Variants in DPP9 observed in about 807,000 individuals in gnomAD.
DPP9 encodes dipeptidyl peptidase IV-related protein-2.
A neutral mutation model predicts 110.7 loss-of-function variants in DPP9; 50 were observed. The ratio of observed to expected loss-of-function variants is 0.45; its 90% CI spans 0.36 to 0.57. The LOEUF is 0.57. Among genes scored for constraint, DPP9 ranks in the 20% least tolerant of loss-of-function variants. The pLI is 0.00. For synonymous variants in DPP9, 561 were observed against 514.4 expected (o/e 1.09, Z -1.23); for missense variants, 1,022 against 1,217.9 (o/e 0.84, Z 2.39).
intron 13 of DPP9, among the ~76,000 whole-genome samples, 166 bp from the exon 14 acceptor site, chr19:4,691,123 A>G (rs539155466): frequency 6.6e-6 from 1 of 152,252 alleles, no homozygotes; most frequent in South Asian, 2.1e-4. Context: ...GACCTGCCAC[A>G]TGGGCAAGGA....
rs907170004 is a variant in DPP9, at chr19:4,687,419, TAAAG to T, written c.1885+1334_1885+1337del. ...CACTCTGTATATACAGTTTCGTTGA[TAAAG>T]AAACACTTCATGGTGATACGCTGAT... On this transcript the variant is annotated intron_variant, in intron 16 of 21. Transcript: ENST00000262960. The surrounding 1 kb of genome is among the most constrained non-coding windows in gnomAD (Gnocchi z 4.7). 6.6e-6 allele frequency among the ~76,000 whole-genome samples: 1 copy of T among 152,116 alleles called. No homozygotes were observed.
At chr19:4,721,559 T>C (rs889935748) in intron 2 of DPP9, among the ~76,000 whole-genome samples, 4 of 152,272 alleles carry the variant, frequency 2.6e-5, no homozygotes, top group African/African-American at 7.2e-5. Flanking sequence ...GGCGGGCAGA[T>C]CACCTGAGGT....
rs1052106382 is a variant in DPP9, at chr19:4,689,386, G to C, written c.1749+184C>G. On this transcript the variant is annotated intron_variant, in intron 15 of 21. Coordinates refer to ENST00000262960, the MANE Select transcript of DPP9 (RefSeq NM_139159.5). The surrounding 1 kb of genome is among the most constrained non-coding windows in gnomAD (Gnocchi z 7.0). ...ACTTACTACCCTGGGATTGGTGGTG[G>C]GCAATTCACTCCCTTCCCTGCCCTA... 6.6e-6 allele frequency among the ~76,000 whole-genome samples: 1 copy of C among 152,218 alleles called. No individual in the cohort carries two copies. Among genetic ancestry groups the C allele is most frequent in the African/African-American group, 2.4e-5 (1 of 41,466 alleles).
At chr19:4,705,735 A>T in intron 5 of DPP9, 123 bp downstream of exon 5, 2 of 875,374 alleles carry the variant, frequency 2.3e-6, no homozygotes, top group Admixed American at 4.2e-5. Flanking sequence ...CACAGGACGG[A>T]GGGTTTGTGG....
rs1196063687 is a variant in DPP9 at position 4,687,400 on chromosome 19, G to A, written c.1885+1357C>T. 6.6e-6 allele frequency among the ~76,000 whole-genome samples: 1 copy of A among 152,178 alleles called. No homozygotes were observed. Among genetic ancestry groups the A allele is most frequent in the Non-Finnish European group, 1.5e-5 (1 of 68,040 alleles). On this transcript the variant is annotated intron_variant, in intron 16 of 21. Transcript: ENST00000262960. The surrounding 1 kb of genome is among the most constrained non-coding windows in gnomAD (Gnocchi z 4.7). The stretch of plus-strand genomic sequence containing the variant: ...CCCGCTGGTTTTCATCCCACACTCT[G>A]TATATACAGTTTCGTTGATAAAGAA...
intron 21 of DPP9, among the ~76,000 whole-genome samples, chr19:4,677,127 T>A (rs2088945422): frequency 6.6e-6 from 1 of 152,114 alleles, no homozygotes; most frequent in Admixed American, 6.5e-5. Context: ...GTGAAGCATT[T>A]TCTGGGTCCT....
chr19:4,693,549 C>T lies in DPP9; in HGVS notation c.1516+1112G>A, dbSNP rs1223481475. Reference sequence around the variant, plus strand: ...TCCGGGCATCCATGCCGCCTCCCTCCTCTCTGATCCCCCACCCTTTCCACT... The same window carrying T: ...TCCGGGCATCCATGCCGCCTCCCTCTTCTCTGATCCCCCACCCTTTCCACT... On this transcript the variant is annotated intron_variant, in intron 13 of 21. Coordinates refer to ENST00000262960, the MANE Select transcript of DPP9 (RefSeq NM_139159.5). The surrounding 1 kb of genome is among the most constrained non-coding windows in gnomAD (Gnocchi z 5.0). Among the ~76,000 whole-genome samples the T allele has an allele frequency of 6.6e-6, 1 of 152,174 alleles. No individual in the cohort carries two copies. The highest frequency in any genetic ancestry group is 1.5e-5 in the Non-Finnish European group (1 of 68,012).
In DPP9 at chr19:4,698,058, C is replaced by G. The variant is rs2091947137; in HGVS notation, c.1075-407G>C. Among the ~76,000 whole-genome samples the G allele has an allele frequency of 6.6e-6, 1 of 151,450 alleles. No individual in the cohort carries two copies. The highest frequency in any genetic ancestry group is 2.4e-5 in the African/African-American group (1 of 41,392). ...CCAGTCTGTGGTCCTTTGTCATGGC[C>G]CAAACAAATGACTACACCCAACAGG... is the stretch of plus-strand genomic sequence containing the variant. On this transcript the variant is annotated intron_variant, in intron 10 of 21. Transcript: ENST00000262960. The surrounding 1 kb of genome is among the most constrained non-coding windows in gnomAD (Gnocchi z 4.2).
intron 13 of DPP9, among the ~76,000 whole-genome samples, chr19:4,692,246 C>G (rs1015622670): frequency 6.6e-6 from 1 of 152,092 alleles, no homozygotes; most frequent in Non-Finnish European, 1.5e-5. Flanking sequence ...AATGACAGTG[C>G]GGGGTGCATC....
intron 3 of DPP9, among the ~76,000 whole-genome samples, chr19:4,717,273 C>T (rs2093124751): frequency 6.6e-6 from 1 of 152,188 alleles, no homozygotes; most frequent in Non-Finnish European, 1.5e-5. Flanking sequence ...AGGATGTCCG[C>T]GCCCACTGCA....
In DPP9 at chr19:4,685,464, G is replaced by A. The variant is rs773685614; in HGVS notation, c.2031+162C>T. On this transcript the variant is annotated intron_variant, in intron 17 of 21. Transcript: ENST00000262960. This position sits in a 1 kb window ranked among gnomAD's most constrained non-coding sequence, Gnocchi z 5.8. Reference sequence around the variant, plus strand: ...CAGAGAAAGGAGGGTGAGGGGCCCCGAGGACCCTGTGTAGTCAGGGCAGGC... The same window carrying A: ...CAGAGAAAGGAGGGTGAGGGGCCCCAAGGACCCTGTGTAGTCAGGGCAGGC... 3.6e-6 allele frequency: 3 copies of A among 829,848 alleles called. No individual in the cohort carries two copies. Among genetic ancestry groups the A allele is most frequent in the African/African-American group, 1.7e-5 (1 of 59,314 alleles). 51.4% of individuals were successfully genotyped at this position (829,848 alleles called of 1,614,324 possible).
intron 7 of DPP9, among the ~76,000 whole-genome samples, chr19:4,703,649 C>T: frequency 6.6e-6 from 1 of 150,624 alleles, no homozygotes; most frequent in East Asian, 2.0e-4. Context: ...CAACTGCACT[C>T]CCACATGGGT....
At chr19:4,691,613 G>A (rs1417386426) in intron 13 of DPP9, among the ~76,000 whole-genome samples, 2 of 151,672 alleles carry the variant, frequency 1.3e-5, no homozygotes, top group Non-Finnish European at 1.5e-5. Context: ...GAGTGTGGGG[G>A]AGGAGCCAAC....
Position 4,683,596 on chromosome 19 carries a change from G to A in DPP9, c.2212C>T (p.Leu738=), listed in dbSNP as rs1213183215. ...QVEIEDQVEG[L]QFVAEKYGFI... is the part of the protein sequence containing the mutation. ...CCATACTTCTCGGCCACGAACTGCA[G>A]GCCCTCCACCTGGTCCTCGATCTCC... The change falls in exon 19 of 22, where the codon CTG becomes TTG. Residue 738 remains leucine (L), a synonymous_variant. Coordinates refer to ENST00000262960, the MANE Select transcript of DPP9 (RefSeq NM_139159.5). 3 of 1,613,094 alleles carry A rather than the reference G, an allele frequency of 1.9e-6. No homozygotes were observed. The highest frequency in any genetic ancestry group is 1.3e-5 in the African/African-American group (1 of 74,812).
In DPP9 at chr19:4,693,871, C is replaced by T. The variant is rs541212247; in HGVS notation, c.1516+790G>A. ...TGTGCTCCAGCCACAGGGGCCTCCT[C>T]CCTATTCCTCCAACATGCCAGGAAC... On this transcript the variant is annotated intron_variant, in intron 13 of 21. Transcript: ENST00000262960. The surrounding 1 kb of genome is among the most constrained non-coding windows in gnomAD (Gnocchi z 5.0). Among the ~76,000 whole-genome samples, 2 of 152,220 alleles carry T rather than the reference C, an allele frequency of 1.3e-5. No individual in the cohort carries two copies. The highest frequency in any genetic ancestry group is 1.9e-4 in the East Asian group (1 of 5,172).
chr19:4,707,792 AT>A (rs1181109514), intron 4 of DPP9, among the ~76,000 whole-genome samples: 7 of 150,436 alleles, frequency 4.7e-5, no homozygotes, highest in African/African-American at 7.3e-5. Flanking sequence ...CACCCGGCTA[AT>A]TTTTGTATTT....
intron 3 of DPP9, among the ~76,000 whole-genome samples, chr19:4,717,162 A>G (rs1293394076): frequency 6.6e-6 from 1 of 152,180 alleles, no homozygotes; most frequent in Non-Finnish European, 1.5e-5. Flanking sequence ...CCTGCCCTCC[A>G]GCCAGAAGGG....
At position 4,718,681 on chromosome 19, in the gene DPP9, G is replaced by C. The variant is rs2093183408; in HGVS notation, c.56+1170C>G. 6.6e-6 allele frequency among the ~76,000 whole-genome samples: 1 copy of C among 152,148 alleles called. No individual in the cohort carries two copies. Among genetic ancestry groups the C allele is most frequent in the Non-Finnish European group, 1.5e-5 (1 of 68,028 alleles). On this transcript the variant is annotated intron_variant, in intron 3 of 21. Coordinates refer to ENST00000262960, the MANE Select transcript of DPP9 (RefSeq NM_139159.5). The surrounding 1 kb of genome is among the most constrained non-coding windows in gnomAD (Gnocchi z 4.3). The stretch of plus-strand genomic sequence containing the variant: ...TTAAGTGTGTGCAGATAAGGGAAGG[G>C]ACACAGATCCCCTTCAGTAACTGAC...
chr19:4,712,080 C>T (rs893111917), intron 4 of DPP9, among the ~76,000 whole-genome samples: 1 of 152,152 alleles, frequency 6.6e-6, no homozygotes, highest in African/African-American at 2.4e-5. Flanking sequence ...GACAGCAACC[C>T]CAACGGGAGC....
Sources: gnomAD v4.1 joint callset for allele counts (sites outside exome capture counted in the v4.1 genomes callset) on GRCh38, gnomAD v4.1.1 for gene constraint, Gnocchi (gnomAD v3.1) non-coding constraint, MANE v1.5 for transcripts, NCBI Gene and HGNC (gene_info 2026-07-23, HGNC 2026-07-21) for gene names.